The following DACH2 variants were observed in gnomAD, a reference collection of about 807,000 sequenced individuals.
DACH2 encodes the protein dachshund homolog 2.
A neutral mutation model predicts 35.8 loss-of-function variants in DACH2; 17 were observed. That is an observed-to-expected ratio of 0.48 (90% confidence interval 0.33 to 0.71). The LOEUF is 0.71. Ranked by LOEUF, DACH2 falls within the 30% of genes least tolerant of loss-of-function variation. The pLI, the probability that DACH2 is intolerant of heterozygous loss-of-function variation, is 0.02. For missense variants in DACH2, 469 were observed against 472.7 expected (o/e 0.99, Z 0.07); for synonymous variants, 195 against 177.3 (o/e 1.10, Z -0.79).
chrX:86,427,423 A>T (rs761523539), intron 2 of DACH2, among the ~76,000 whole-genome samples: 5 of 111,323 alleles, frequency 4.5e-5, no homozygotes, highest in Non-Finnish European at 5.7e-5. Flanking sequence ...TCAGTGATTT[A>T]TTTCTATGAA....
chrX:86,498,208 C>CTT (rs35337222), intron 2 of DACH2, among the ~76,000 whole-genome samples: 23 of 108,265 alleles, frequency 2.1e-4, no homozygotes, highest in African/African-American at 6.4e-4. Context: ...ACTTAGGCCT[C>CTT]TTTTTTTTTA....
At chrX:86,628,171 T>G (rs189513423) in intron 3 of DACH2, among the ~76,000 whole-genome samples, 39 of 112,551 alleles carry the variant, frequency 3.5e-4, no homozygotes, top group Non-Finnish European at 6.6e-4. Flanking sequence ...ATACAAAAGA[T>G]AAGAATAATA....
chrX:86,654,161 C>T (rs1329850301), intron 4 of DACH2, among the ~76,000 whole-genome samples: 1 of 87,895 alleles, frequency 1.1e-5, no homozygotes, highest in Non-Finnish European at 2.1e-5. Flanking sequence ...TTCATCATCT[C>T]GGCCCTGTCT....
chrX:86,688,104 G>A (rs757565921), intron 4 of DACH2, among the ~76,000 whole-genome samples: 3 of 111,627 alleles, frequency 2.7e-5, no homozygotes, highest in Non-Finnish European at 5.6e-5. Flanking sequence ...GTGCAAGTTG[G>A]TCCATCCATC....
chrX:86,633,378 T>C (rs776806551), intron 3 of DACH2, among the ~76,000 whole-genome samples: 1 of 111,029 alleles, frequency 9.0e-6, no homozygotes, highest in African/African-American at 3.3e-5. Context: ...CTTGTAAATA[T>C]ACAACCTCCA....
At chrX:86,657,495 C>T (rs956315916) in intron 4 of DACH2, among the ~76,000 whole-genome samples, 2 of 111,450 alleles carry the variant, frequency 1.8e-5, no homozygotes, top group African/African-American at 6.5e-5. Context: ...GCTCTGAAAT[C>T]AAGCTGAGTG....
At chrX:86,563,840 AT>A (rs1445549706) in intron 3 of DACH2, among the ~76,000 whole-genome samples, 1 of 111,474 alleles carries the variant, frequency 9.0e-6, no homozygotes, top group Non-Finnish European at 1.9e-5. Flanking sequence ...TATTGGTTGT[AT>A]TACAAGATAA....
chrX:86,191,889 C>T (rs1173000213), intron 1 of DACH2, among the ~76,000 whole-genome samples: 2 of 111,220 alleles, frequency 1.8e-5, no homozygotes, highest in African/African-American at 6.5e-5. Flanking sequence ...TTCAGTGAGC[C>T]GAGATTGCGC....
At chrX:86,705,459 G>C (rs909277743) in intron 5 of DACH2, among the ~76,000 whole-genome samples, 1 of 110,801 alleles carries the variant, frequency 9.0e-6, no homozygotes. Flanking sequence ...TAAGAAAAAA[G>C]ATATACAAAT....
At chrX:86,434,142 T>TA (rs1168636370) in intron 2 of DACH2, among the ~76,000 whole-genome samples, 1 of 112,471 alleles carries the variant, frequency 8.9e-6, no homozygotes, top group Non-Finnish European at 1.9e-5. Context: ...GTTAACGCTT[T>TA]AAAAAATATA....
chrX:86,444,812 T>G (rs1023289254), intron 2 of DACH2, among the ~76,000 whole-genome samples: 6 of 111,622 alleles, frequency 5.4e-5, no homozygotes, highest in Admixed American at 9.6e-5. Context: ...CTAATGAATG[T>G]ATTTATTAGG....
intron 2 of DACH2, among the ~76,000 whole-genome samples, chrX:86,408,803 C>T (rs765814984): frequency 3.6e-5 from 4 of 111,904 alleles, no homozygotes; most frequent in African/African-American, 9.7e-5. Context: ...GTGTCACAAA[C>T]TATGCTGTAA....
chrX:86,630,689 T>C (rs2040190398), intron 3 of DACH2, among the ~76,000 whole-genome samples: 1 of 94,991 alleles, frequency 1.1e-5, no homozygotes, highest in Admixed American at 1.1e-4. Context: ...TCTGAAGAGC[T>C]TATTAAACTT....
chrX:86,218,543 C>T (rs1174212100), intron 1 of DACH2, among the ~76,000 whole-genome samples: 2 of 111,452 alleles, frequency 1.8e-5, no homozygotes, highest in African/African-American at 6.5e-5. Context: ...TGGTATAATG[C>T]TTTCTGATTA....
rs778238697 is a variant in DACH2 at position 86,427,769 on chromosome X, A to G, written c.527+50907A>G. ...ATTATTTGTCAACTTTGTTCAAAAA[A>G]TGGAAATAAAACAACTAAAGTCAAA... On this transcript the variant is annotated intron_variant, in intron 2 of 11. Coordinates refer to ENST00000373125, the MANE Select transcript of DACH2 (RefSeq NM_053281.3). 1.5e-4 allele frequency among the ~76,000 whole-genome samples: 17 copies of G among 112,231 alleles called. No homozygotes were observed. In the East Asian group the frequency reaches 4.7e-3, roughly 31 times the overall value.
intron 1 of DACH2, among the ~76,000 whole-genome samples, chrX:86,359,305 G>A (rs2035699709): frequency 9.0e-6 from 1 of 111,344 alleles, no homozygotes. Context: ...CATATGAAAT[G>A]TCACCTGTGA....
At chrX:86,811,295 C>G (rs1342569067) in intron 7 of DACH2, among the ~76,000 whole-genome samples, 2 of 111,535 alleles carry the variant, frequency 1.8e-5, no homozygotes, top group Non-Finnish European at 3.8e-5. Flanking sequence ...GCACAACTTG[C>G]CACACAAGAA....
At chrX:86,430,650 G>A (rs1471368505) in intron 2 of DACH2, among the ~76,000 whole-genome samples, 1 of 112,100 alleles carries the variant, frequency 8.9e-6, no homozygotes, top group East Asian at 2.8e-4. Context: ...ATTTCCTACA[G>A]CCAGTTGAAA....
chrX:86,742,597 G>T, intron 7 of DACH2: 1 of 192,740 alleles, frequency 5.2e-6, no homozygotes, highest in Admixed American at 6.1e-5. Context: ...CCTTTTTTCT[G>T]GGTATTTCAC....
Sources: gnomAD v4.1 joint callset for allele counts (sites outside exome capture counted in the v4.1 genomes callset) on GRCh38, gnomAD v4.1.1 for gene constraint, MANE v1.5 for transcripts, NCBI Gene and HGNC (gene_info 2026-07-23, HGNC 2026-07-21) for gene names.